Variants in ZBTB20 observed in about 807,000 individuals in gnomAD.
ZBTB20 encodes zinc finger and BTB domain-containing protein 20.
ZBTB20 carries 9 observed loss-of-function variants against 56.9 expected under a neutral mutation model. The observed-to-expected ratio is 0.16, with a 90% CI of 0.10 to 0.28. The LOEUF is 0.28. Ranked by LOEUF, ZBTB20 falls within the 10% of genes least tolerant of loss-of-function variation. The pLI is 1.00. For synonymous variants in ZBTB20, 417 were observed against 420.7 expected (o/e 0.99, Z 0.11); for missense variants, 655 against 1,003.0 (o/e 0.65, Z 4.69).
At chr3:115,140,729 T>C (rs2107346591) in intron 1 of ZBTB20, among the ~76,000 whole-genome samples, 1 of 152,254 alleles carries the variant, frequency 6.6e-6, no homozygotes, top group South Asian at 2.1e-4. Context: ...AACTTACTAA[T>C]GACAGTAAGA....
intron 2 of ZBTB20, among the ~76,000 whole-genome samples, chr3:115,057,774 T>G (rs990254228): frequency 6.6e-6 from 1 of 152,184 alleles, no homozygotes; most frequent in Non-Finnish European, 1.5e-5. Flanking sequence ...TCCCCAAAAG[T>G]CTTTATTTTA....
At chr3:114,395,744 C>T (rs1263327925) in intron 7 of ZBTB20, among the ~76,000 whole-genome samples, 1 of 152,034 alleles carries the variant, frequency 6.6e-6, no homozygotes, top group Non-Finnish European at 1.5e-5. Flanking sequence ...CTAGTTAATA[C>T]CCATGTCCAT....
At chr3:114,864,488 A>AT (rs11293835) in intron 4 of ZBTB20, among the ~76,000 whole-genome samples, 5,498 of 149,516 alleles carry the variant, frequency 0.037, 135 homozygotes, top group Middle Eastern at 0.11. Flanking sequence ...AATTACAAGG[A>AT]TTTTTTTTTT....
intron 1 of ZBTB20, among the ~76,000 whole-genome samples, chr3:115,086,382 T>C (rs567614992): frequency 1.3e-5 from 2 of 152,012 alleles, no homozygotes; most frequent in African/African-American, 4.8e-5. Flanking sequence ...ACCGTATTTA[T>C]TTTGTGTCAA....
chr3:114,837,328 G>T (rs1350639936), intron 4 of ZBTB20, among the ~76,000 whole-genome samples: 2 of 152,082 alleles, frequency 1.3e-5, no homozygotes, highest in African/African-American at 2.4e-5. Flanking sequence ...TGAGGATGAG[G>T]TTCTTGGATG....
intron 10 of ZBTB20, chr3:114,367,000 A>C (rs999078781): frequency 5.9e-5 from 9 of 152,254 alleles, no homozygotes; most frequent in Admixed American, 3.9e-4. Context: ...ACGGACTTTC[A>C]AAAAAATAAA....
chr3:115,001,751 A>G (rs1293875557), intron 2 of ZBTB20, among the ~76,000 whole-genome samples: 4 of 151,476 alleles, frequency 2.6e-5, no homozygotes, highest in Non-Finnish European at 5.9e-5. Flanking sequence ...TCAAAAAAGA[A>G]CTAAATAAAC....
At chr3:114,885,293 G>C (rs890490769) in intron 4 of ZBTB20, among the ~76,000 whole-genome samples, 2 of 152,168 alleles carry the variant, frequency 1.3e-5, no homozygotes, top group African/African-American at 4.8e-5. Context: ...TTGTACACAA[G>C]ATCTTCCCTT....
rs534815422 is a variant in ZBTB20 at position 114,424,750 on chromosome 3, T to C, written c.-254-35645A>G. Among the ~76,000 whole-genome samples the C allele has an allele frequency of 7.2e-5, 11 of 152,272 alleles. No homozygotes were observed. In the South Asian group the frequency reaches 2.3e-3, roughly 32 times the overall value. ...TTACTTAGGTGAAACTTAGGAGGTC[T>C]TCCTAAAGAAAAGAAGCAATTTAAA... On this transcript the variant is annotated intron_variant, in intron 7 of 11. Coordinates refer to ENST00000675478, the MANE Select transcript of ZBTB20 (RefSeq NM_001348800.3).
At chr3:114,734,799 C>T (rs2066017849) in intron 5 of ZBTB20, among the ~76,000 whole-genome samples, 1 of 151,950 alleles carries the variant, frequency 6.6e-6, no homozygotes, top group Non-Finnish European at 1.5e-5. Flanking sequence ...TGGATGGAGC[C>T]TATCTCAGCA....
At chr3:115,090,357 AT>A (rs1353021167) in intron 1 of ZBTB20, among the ~76,000 whole-genome samples, 5 of 151,822 alleles carry the variant, frequency 3.3e-5, no homozygotes, top group Non-Finnish European at 7.4e-5. Flanking sequence ...ATTGAAAAGA[AT>A]TTTTTTCATA....
At chr3:114,389,359 A>AGCT in intron 7 of ZBTB20, among the ~76,000 whole-genome samples, 1 of 152,120 alleles carries the variant, frequency 6.6e-6, no homozygotes, top group East Asian at 1.9e-4. Context: ...GTGCGGGCGG[A>AGCT]GCTGATTTTG....
chr3:114,551,817 C>A (rs2050615223), intron 6 of ZBTB20, among the ~76,000 whole-genome samples: 1 of 152,122 alleles, frequency 6.6e-6, no homozygotes, highest in African/African-American at 2.4e-5. Context: ...CAATTGTACC[C>A]CAGATGTGTT....
intron 6 of ZBTB20, among the ~76,000 whole-genome samples, chr3:114,501,067 G>A (rs552060068): frequency 1.3e-5 from 2 of 152,204 alleles, no homozygotes; most frequent in East Asian, 1.9e-4. Flanking sequence ...CAATACATTC[G>A]TGTGTAGCTA....
intron 6 of ZBTB20, among the ~76,000 whole-genome samples, chr3:114,504,574 T>G (rs1189951334): frequency 6.6e-6 from 1 of 152,178 alleles, no homozygotes; most frequent in African/African-American, 2.4e-5. Flanking sequence ...TCATGGAACT[T>G]CCGGTTGAGT....
chr3:115,128,067 A>G (rs371202055), intron 1 of ZBTB20, among the ~76,000 whole-genome samples: 4 of 152,340 alleles, frequency 2.6e-5, no homozygotes, highest in African/African-American at 9.6e-5. Flanking sequence ...GAAAAAAACA[A>G]AATTAAGAGA....
intron 3 of ZBTB20, among the ~76,000 whole-genome samples, chr3:114,952,284 A>T (rs1226312800): frequency 6.6e-6 from 1 of 151,992 alleles, no homozygotes; most frequent in African/African-American, 2.4e-5. Flanking sequence ...GTTGTTGATA[A>T]AAAGAATAGT....
At chr3:114,729,836 C>T (rs1386467584) in intron 5 of ZBTB20, among the ~76,000 whole-genome samples, 1 of 151,718 alleles carries the variant, frequency 6.6e-6, no homozygotes, top group Non-Finnish European at 1.5e-5. Flanking sequence ...CAGGGTTTCA[C>T]TCTGTCACCC....
chr3:114,682,042 A>G (rs2062006885), intron 6 of ZBTB20, among the ~76,000 whole-genome samples: 1 of 152,170 alleles, frequency 6.6e-6, no homozygotes, highest in Admixed American at 6.5e-5. Context: ...TTTCAAAGTA[A>G]TTCTGCTTTT....
Sources: gnomAD v4.1 joint callset for allele counts (sites outside exome capture counted in the v4.1 genomes callset) on GRCh38, gnomAD v4.1.1 for gene constraint, MANE v1.5 for transcripts, NCBI Gene and HGNC (gene_info 2026-07-23, HGNC 2026-07-21) for gene names.